Variants in CDKAL1 observed in about 807,000 individuals in gnomAD.
CDKAL1 encodes CDKAL1 threonylcarbamoyladenosine tRNA methylthiotransferase, also known as threonylcarbamoyladenosine tRNA methylthiotransferase.
In CDKAL1, 32 loss-of-function variants were observed where a neutral mutation model predicts 68.2. That is an observed-to-expected ratio of 0.47 (90% CI 0.35 to 0.63). CDKAL1 has a LOEUF of 0.63. CDKAL1 is among the 30% of genes least tolerant of loss of function. The pLI, the probability that CDKAL1 is intolerant of heterozygous loss-of-function variation, is 0.00. For missense variants in CDKAL1, 606 were observed against 696.7 expected (o/e 0.87, Z 1.47); for synonymous variants, 234 against 244.3 (o/e 0.96, Z 0.39).
At chr6:20,904,682 G>A (rs1254656315) in intron 9 of CDKAL1, among the ~76,000 whole-genome samples, 2 of 152,036 alleles carry the variant, frequency 1.3e-5, no homozygotes, top group Non-Finnish European at 2.9e-5. Context: ...CCAGCTACTC[G>A]GGAGGCTGAG....
chr6:21,042,280 A>G (rs969225709), intron 11 of CDKAL1, among the ~76,000 whole-genome samples: 1 of 149,438 alleles, frequency 6.7e-6, no homozygotes, highest in East Asian at 2.0e-4. Context: ...CTCCACCACC[A>G]TACCACCATT....
intron 8 of CDKAL1, among the ~76,000 whole-genome samples, chr6:20,802,312 C>CAATAAT (rs1349564349): frequency 1.8e-3 from 179 of 99,688 alleles, no homozygotes; most frequent in Middle Eastern, 5.2e-3. Flanking sequence ...ACAACAACAA[C>CAATAAT]AACAATAATA....
intron 9 of CDKAL1, among the ~76,000 whole-genome samples, chr6:20,951,295 A>G (rs955597848): frequency 6.6e-6 from 1 of 152,252 alleles, no homozygotes; most frequent in African/African-American, 2.4e-5. Flanking sequence ...TTAATTCATT[A>G]CAGTGAAGCT....
chr6:20,923,075 TTC>T (rs200707001), intron 9 of CDKAL1, among the ~76,000 whole-genome samples: 2 of 151,798 alleles, frequency 1.3e-5, no homozygotes, highest in African/African-American at 4.8e-5. Context: ...ATATAAAGTC[TTC>T]TCTCTCTCTC....
chr6:21,050,115 T>G (rs1162030416), intron 11 of CDKAL1, among the ~76,000 whole-genome samples: 1 of 152,206 alleles, frequency 6.6e-6, no homozygotes, highest in East Asian at 1.9e-4. Context: ...AAAGTTTTAT[T>G]ACTTTCAAAG....
At chr6:20,931,018 C>T (rs568242740) in intron 9 of CDKAL1, among the ~76,000 whole-genome samples, 1 of 152,274 alleles carries the variant, frequency 6.6e-6, no homozygotes, top group African/African-American at 2.4e-5. Flanking sequence ...GCTGGGATTA[C>T]AGGCGTGAGC....
At chr6:20,798,736 G>A (rs1228203982) in intron 8 of CDKAL1, among the ~76,000 whole-genome samples, 4 of 145,298 alleles carry the variant, frequency 2.8e-5, no homozygotes, top group African/African-American at 1.0e-4. Flanking sequence ...ACACAGGATG[G>A]GGAACATCAC....
At chr6:20,850,390 A>T (rs1423529833) in intron 9 of CDKAL1, among the ~76,000 whole-genome samples, 2 of 152,192 alleles carry the variant, frequency 1.3e-5, no homozygotes, top group East Asian at 3.8e-4. Context: ...GTTTCCAGTC[A>T]TATGATAGAA....
intron 5 of CDKAL1, among the ~76,000 whole-genome samples, chr6:20,705,777 T>C (rs1368210308): frequency 6.6e-6 from 1 of 152,178 alleles, no homozygotes; most frequent in African/African-American, 2.4e-5. Flanking sequence ...GATCTAACTT[T>C]ATAGAAAAGC....
chr6:20,540,404 G>A (rs1164092188), intron 2 of CDKAL1, among the ~76,000 whole-genome samples: 1 of 151,432 alleles, frequency 6.6e-6, no homozygotes, highest in Non-Finnish European at 1.5e-5. Flanking sequence ...GGGAGAAGTT[G>A]TAAGAGGATC....
chr6:20,852,198 T>C (rs2150506251), intron 9 of CDKAL1, among the ~76,000 whole-genome samples: 1 of 152,278 alleles, frequency 6.6e-6, no homozygotes, highest in Non-Finnish European at 1.5e-5. Flanking sequence ...TGCTGTATTG[T>C]GTTTTGAAAG....
chr6:20,820,831 C>G (rs181583531), intron 8 of CDKAL1, among the ~76,000 whole-genome samples: 2 of 152,042 alleles, frequency 1.3e-5, no homozygotes, highest in South Asian at 4.2e-4. Flanking sequence ...TTCCTGTCTT[C>G]ATGGAGTTTC....
intron 4 of CDKAL1, among the ~76,000 whole-genome samples, chr6:20,604,385 C>G (rs935159346): frequency 6.6e-6 from 1 of 152,184 alleles, no homozygotes; most frequent in African/African-American, 2.4e-5. Flanking sequence ...ACCAGCCAGC[C>G]ATCTGCTAGT....
At chr6:20,739,713 A>C in intron 6 of CDKAL1, 98 bp downstream of exon 6, 1 of 633,968 alleles carries the variant, frequency 1.6e-6, no homozygotes, top group Non-Finnish European at 2.7e-6. Context: ...TTTGTAAGCT[A>C]TGTTACACTT....
intron 4 of CDKAL1, among the ~76,000 whole-genome samples, chr6:20,636,253 A>G (rs78614455): frequency 0.011 from 1,640 of 152,206 alleles, 9 homozygotes; most frequent in Non-Finnish European, 0.017. Context: ...ATTTTGGGGT[A>G]GTGTGCTCTG....
intron 8 of CDKAL1, among the ~76,000 whole-genome samples, chr6:20,831,244 AT>A (rs1199420627): frequency 6.6e-6 from 1 of 152,118 alleles, no homozygotes; most frequent in African/African-American, 2.4e-5. Context: ...CTTGGAAAAC[AT>A]TTTCTGCATC....
intron 4 of CDKAL1, among the ~76,000 whole-genome samples, chr6:20,565,034 C>T (rs780468122): frequency 2.0e-5 from 3 of 152,026 alleles, no homozygotes; most frequent in African/African-American, 4.8e-5. Context: ...TACAGTTAGA[C>T]GGAAACCTCC....
At chr6:21,177,271 A>T (rs1337796821) in intron 13 of CDKAL1, among the ~76,000 whole-genome samples, 1 of 152,116 alleles carries the variant, frequency 6.6e-6, no homozygotes, top group Non-Finnish European at 1.5e-5. Flanking sequence ...TTTTTCCTCC[A>T]CTTTAATACA....
chr6:21,156,373 G>A (rs555360024), intron 13 of CDKAL1, among the ~76,000 whole-genome samples: 9 of 141,300 alleles, frequency 6.4e-5, no homozygotes, highest in Non-Finnish European at 6.0e-5. Flanking sequence ...GCAGTGAGCC[G>A]AGATCGTGCC....
Sources: allele counts gnomAD v4.1 joint callset (sites outside exome capture counted in the v4.1 genomes callset), GRCh38; gene constraint gnomAD v4.1.1; transcripts MANE v1.5; gene names NCBI Gene and HGNC (gene_info 2026-07-23, HGNC 2026-07-21).